CACNA1C: variants seen among roughly 807,000 people sequenced by gnomAD.
CACNA1C encodes calcium voltage-gated channel subunit alpha1 C.
A neutral mutation model predicts 229.0 loss-of-function variants in CACNA1C; 30 were observed. The ratio of observed to expected loss-of-function variants is 0.13; its 90% CI spans 0.10 to 0.18. CACNA1C has a LOEUF of 0.18. Among genes scored for constraint, CACNA1C ranks in the 10% least tolerant of loss-of-function variants. CACNA1C has a pLI of 1.00. For missense variants in CACNA1C, 1,658 were observed against 2,845.0 expected, an observed-to-expected ratio of 0.58 and a Z score of 9.49; for synonymous variants, 1,114 against 1,132.5, an observed-to-expected ratio of 0.98 and a Z score of 0.33.
intron 1 of CACNA1C, among the ~76,000 whole-genome samples, chr12:1,977,125 C>T (rs894694830): frequency 6.6e-6 from 1 of 152,140 alleles, no homozygotes; most frequent in Non-Finnish European, 1.5e-5. Context: ...TAATCACTGC[C>T]TAAACTGATT....
At chr12:2,431,859 C>T (rs1396618200) in intron 3 of CACNA1C, among the ~76,000 whole-genome samples, 3 of 152,174 alleles carry the variant, frequency 2.0e-5, no homozygotes, top group Admixed American at 2.0e-4. Context: ...CTCCTGGGCA[C>T]TGTGAGCCCT....
At chr12:2,341,991 G>A (rs983355484) in intron 3 of CACNA1C, among the ~76,000 whole-genome samples, 2 of 152,134 alleles carry the variant, frequency 1.3e-5, no homozygotes, top group African/African-American at 2.4e-5. Flanking sequence ...GGTATGCTTC[G>A]ACCCAACCTC....
chr12:2,689,757 T>C lies in CACNA1C; in HGVS notation c.6117+978T>C, dbSNP rs1408765760. 2.0e-5 allele frequency: 3 copies of C among 152,220 alleles called. No individual in the cohort carries two copies. Among genetic ancestry groups the C allele is most frequent in the Admixed American group, 6.5e-5 (1 of 15,282 alleles). The allele number at this position is 152,220 out of a possible 1,614,324, so 9.4% of individuals were successfully genotyped here. A position where few individuals can be genotyped will look rare whatever the true frequency, so the allele number is the denominator to read the frequency against. Reference sequence around the variant, plus strand: ...ACAGACCTTCCCTGAGCGCCTACCATGTGCAGGCCCTGTTCTAGGTACAGG... The same window carrying C: ...ACAGACCTTCCCTGAGCGCCTACCACGTGCAGGCCCTGTTCTAGGTACAGG... On this transcript the variant is annotated intron_variant, in intron 46 of 46. Coordinates refer to ENST00000399655, the MANE Select transcript of CACNA1C (RefSeq NM_000719.7). The surrounding 1 kb of genome is among the most constrained non-coding windows in gnomAD (Gnocchi z 4.2).
chr12:2,129,523 T>C (rs1565873129), intron 3 of CACNA1C, among the ~76,000 whole-genome samples: 1 of 152,212 alleles, frequency 6.6e-6, no homozygotes. Flanking sequence ...ATAAATTCAC[T>C]GTTTATGTAA....
At chr12:2,484,897 TTTCTC>T (rs2099691802) in intron 5 of CACNA1C, among the ~76,000 whole-genome samples, 1 of 130,410 alleles carries the variant, frequency 7.7e-6, no homozygotes, top group Non-Finnish European at 1.6e-5. Context: ...CATTCCAGCT[TTTCTC>T]TTCTTTCTTT....
At chr12:2,539,000 G>A (rs182395489) in intron 9 of CACNA1C, among the ~76,000 whole-genome samples, 126 of 152,274 alleles carry the variant, frequency 8.3e-4, no homozygotes, top group Middle Eastern at 3.4e-3. Flanking sequence ...CAGCGACGTC[G>A]CCTGATGGGG....
chr12:2,139,014 AGT>A (rs920649173), intron 3 of CACNA1C, among the ~76,000 whole-genome samples: 105 of 150,326 alleles, frequency 7.0e-4, no homozygotes, highest in African/African-American at 2.5e-3. Context: ...TGCGTCTCTC[AGT>A]GTGTTTGTTT....
chr12:2,582,008 G>A (rs1600980937), intron 14 of CACNA1C, among the ~76,000 whole-genome samples: 1 of 151,506 alleles, frequency 6.6e-6, no homozygotes, highest in East Asian at 1.9e-4. Flanking sequence ...GACCATTAGG[G>A]GAAACAATAT....
In CACNA1C at chr12:1,992,194, A is replaced by C. The variant is rs1017284943; in HGVS notation, c.139+20993A>C. ...ATTGCAAAACTTTTCATTTCACAGG[A>C]CCTGCCATTAGTAAGTCATATTATA... On this transcript the variant is annotated intron_variant, in intron 1 of 46. Coordinates refer to the CACNA1C transcript ENST00000682462. 64 of 161,762 alleles carry C rather than the reference A, an allele frequency of 4.0e-4. 4 individuals are homozygous for C. The highest frequency in any genetic ancestry group is 1.5e-4 in the South Asian group (1 of 6,516). The allele number at this position is 161,762 out of a possible 1,614,324, so 10.0% of individuals were successfully genotyped here. A position where few individuals can be genotyped will look rare whatever the true frequency, so the allele number is the denominator to read the frequency against.
At chr12:2,037,578 C>T (rs11062087) in intron 1 of CACNA1C, among the ~76,000 whole-genome samples, 11,019 of 152,222 alleles carry the variant, frequency 0.072, 548 homozygotes, top group African/African-American at 0.14. Context: ...TGGGAAGGGA[C>T]GTGTTCCCCA....
chr12:2,663,070 G>A (rs535553383), intron 34 of CACNA1C, among the ~76,000 whole-genome samples: 1 of 152,280 alleles, frequency 6.6e-6, no homozygotes, highest in East Asian at 1.9e-4. Context: ...ACCTAAAATA[G>A]AGAAAGATTT....
At position 2,605,589 on chromosome 12, in the gene CACNA1C, T is replaced by C; in HGVS notation, c.3049-90T>C. The C allele has an allele frequency of 1.1e-6, 1 of 900,392 alleles. No homozygotes were observed. The highest frequency in any genetic ancestry group is 2.5e-5 in the East Asian group (1 of 40,444). 55.8% of individuals were successfully genotyped at this position (900,392 alleles called of 1,614,324 possible). A position where few individuals can be genotyped will look rare whatever the true frequency, so the allele number is the denominator to read the frequency against. ...CCCTCTCAGCCCAATTACTCCCCGT[T>C]GTGGCAAACGGGCTGCCCCTGCTAC... is the stretch of plus-strand genomic sequence containing the variant. On this transcript the variant is annotated intron_variant, in intron 23 of 46. Coordinates refer to ENST00000399655, the MANE Select transcript of CACNA1C (RefSeq NM_000719.7). This position sits in a 1 kb window ranked among gnomAD's most constrained non-coding sequence, Gnocchi z 6.2.
intron 1 of CACNA1C, among the ~76,000 whole-genome samples, chr12:2,080,544 T>C (rs146270806): frequency 0.012 from 1,846 of 149,476 alleles, 24 homozygotes; most frequent in African/African-American, 0.042. Context: ...GAGCTTGCAG[T>C]GAGCCAAGAT....
chr12:2,256,442 T>G (rs375768103), intron 3 of CACNA1C, among the ~76,000 whole-genome samples: 5 of 152,194 alleles, frequency 3.3e-5, no homozygotes, highest in Non-Finnish European at 7.3e-5. Context: ...AAACAACTGC[T>G]TAAATCAAAT....
chr12:2,604,331 G>A (rs559003932), intron 22 of CACNA1C, among the ~76,000 whole-genome samples: 4 of 152,146 alleles, frequency 2.6e-5, no homozygotes, highest in African/African-American at 9.7e-5. Flanking sequence ...TTCTAAGGCC[G>A]TCGTTTCGGG....
intron 1 of CACNA1C, among the ~76,000 whole-genome samples, chr12:2,021,458 C>A (rs886343255): frequency 2.0e-5 from 3 of 152,136 alleles, no homozygotes; most frequent in African/African-American, 7.2e-5. Flanking sequence ...GTGGGTGGAT[C>A]ACCTGAGGTC....
chr12:2,494,019 TA>T (rs1273385210), intron 7 of CACNA1C, among the ~76,000 whole-genome samples: 1 of 152,170 alleles, frequency 6.6e-6, no homozygotes, highest in African/African-American at 2.4e-5. Flanking sequence ...TTTTTTTTTT[TA>T]ATTTTTATTT....
chr12:2,547,490 G>T, intron 9 of CACNA1C: 1 of 779,780 alleles, frequency 1.3e-6, no homozygotes, highest in South Asian at 1.3e-5. Flanking sequence ...AGAAAGGGAA[G>T]TTTGCTTGGT....
intron 9 of CACNA1C, among the ~76,000 whole-genome samples, chr12:2,535,846 G>T (rs1302932733): frequency 2.6e-5 from 4 of 151,896 alleles, no homozygotes; most frequent in Non-Finnish European, 4.4e-5. Context: ...GTTGGGAGAA[G>T]AATTAAAGCA....
Sources: allele counts gnomAD v4.1 joint callset (sites outside exome capture counted in the v4.1 genomes callset), GRCh38; gene constraint gnomAD v4.1.1; non-coding constraint Gnocchi (gnomAD v3.1); transcripts MANE v1.5; gene names NCBI Gene and HGNC (gene_info 2026-07-23, HGNC 2026-07-21).